PAPPA: variants seen among roughly 807,000 people sequenced by gnomAD.
PAPPA encodes the protein pappalysin-1.
Under a neutral mutation model 164.0 loss-of-function variants are expected in PAPPA, and 60 were observed. The ratio of observed to expected loss-of-function variants is 0.37; its 90% CI spans 0.30 to 0.45. The LOEUF (loss-of-function observed/expected upper bound fraction) is 0.45, where lower values mean the gene tolerates loss of function less well. PAPPA is among the 20% of genes least tolerant of loss of function. The pLI is 1.00. For synonymous variants in PAPPA, 875 were observed against 814.1 expected (o/e 1.07, Z -1.27); for missense variants, 1,782 against 2,087.3 (o/e 0.85, Z 2.85).
Position 116,368,220 on chromosome 9 carries a change from C to A in PAPPA, c.4605+466C>A, listed in dbSNP as rs138865321. Among the ~76,000 whole-genome samples the A allele has an allele frequency of 2.9e-3, 435 of 152,294 alleles. 2 individuals are homozygous for A. The highest frequency in any genetic ancestry group is 0.017 in the Admixed American group (262 of 15,296). ...TCTGGTATCCTTCTCCAAGCTTTAC[C>A]TGTTTTGGGGAAAGCAATTAATAGG... On this transcript the variant is annotated intron_variant, in intron 19 of 21. Coordinates refer to ENST00000328252, the MANE Select transcript of PAPPA (RefSeq NM_002581.5).
At chr9:116,324,574 A>G (rs765946507) in intron 10 of PAPPA, among the ~76,000 whole-genome samples, 8 of 152,154 alleles carry the variant, frequency 5.3e-5, no homozygotes, top group Non-Finnish European at 1.0e-4. Context: ...TACAACTATA[A>G]TCTAACTTGA....
At chr9:116,216,795 G>A (rs1164583892) in intron 4 of PAPPA, among the ~76,000 whole-genome samples, 1 of 152,188 alleles carries the variant, frequency 6.6e-6, no homozygotes, top group Non-Finnish European at 1.5e-5. Flanking sequence ...AGGCTGGAGT[G>A]CAGTGGTGTG....
intron 5 of PAPPA, among the ~76,000 whole-genome samples, chr9:116,221,745 A>G (rs1844449353): frequency 6.6e-6 from 1 of 152,236 alleles, no homozygotes; most frequent in Admixed American, 6.5e-5. Flanking sequence ...CACAAAAAGA[A>G]GCAAGAAATT....
At chr9:116,267,823 C>T (rs2118817889) in intron 8 of PAPPA, among the ~76,000 whole-genome samples, 1 of 140,500 alleles carries the variant, frequency 7.1e-6, no homozygotes, top group South Asian at 2.2e-4. Context: ...TGCAGTGAGC[C>T]GAGATTGCGC....
intron 2 of PAPPA, among the ~76,000 whole-genome samples, chr9:116,205,626 G>T (rs908893301): frequency 6.6e-6 from 1 of 152,124 alleles, no homozygotes; most frequent in African/African-American, 2.4e-5. Flanking sequence ...ACTTGGCCTT[G>T]TCTCCAGTTG....
In PAPPA at chr9:116,187,321, CA is replaced by C; in HGVS notation, c.584del (p.Gln195ArgfsTer5). 1 of 1,614,148 alleles carries C rather than the reference CA, an allele frequency of 6.2e-7. No homozygotes were observed. Among genetic ancestry groups the C allele is most frequent in the Non-Finnish European group, 8.5e-7 (1 of 1,180,036 alleles). On this transcript the variant is annotated frameshift_variant, in exon 2 of 22. Transcript: ENST00000328252. LOFTEE classifies it high-confidence loss of function. This position sits in a 1 kb window ranked among gnomAD's most constrained non-coding sequence, Gnocchi z 4.2. ...TGCCCACCGCAGCTACCTCCCAGGC[CA>C]GTGGGTATACCTAGCTGCCACCTAT... ...INAHRSYLPG[Q>X]WVYLAATYDG...
chr9:116,193,149 G>A (rs436770), intron 2 of PAPPA, among the ~76,000 whole-genome samples: 2 of 150,892 alleles, frequency 1.3e-5, no homozygotes, highest in African/African-American at 2.5e-5. Flanking sequence ...TTATTTTTTT[G>A]AATGTAACAA....
intron 20 of PAPPA, among the ~76,000 whole-genome samples, chr9:116,380,938 T>C (rs1221206752): frequency 2.0e-5 from 3 of 152,238 alleles, no homozygotes; most frequent in African/African-American, 7.2e-5. Flanking sequence ...GGATCACAGA[T>C]GGCATGCTTG....
intron 4 of PAPPA, among the ~76,000 whole-genome samples, chr9:116,213,595 A>T (rs569287093): frequency 6.6e-6 from 1 of 152,090 alleles, no homozygotes; most frequent in Non-Finnish European, 1.5e-5. Flanking sequence ...AAACAATAAC[A>T]TAAGTTTGGA....
At chr9:116,185,486 A>C (rs1199757373) in intron 1 of PAPPA, among the ~76,000 whole-genome samples, 1 of 152,226 alleles carries the variant, frequency 6.6e-6, no homozygotes, top group Non-Finnish European at 1.5e-5. Context: ...TTTGATGAGC[A>C]CTTATAGCAG....
chr9:116,367,045 C>G (rs1846510174), intron 18 of PAPPA, among the ~76,000 whole-genome samples: 1 of 152,184 alleles, frequency 6.6e-6, no homozygotes, highest in Non-Finnish European at 1.5e-5. Flanking sequence ...CGAGATGAAT[C>G]AAGCACATCT....
chr9:116,159,354 G>A (rs1251034955), intron 1 of PAPPA, among the ~76,000 whole-genome samples: 4 of 152,174 alleles, frequency 2.6e-5, no homozygotes, highest in South Asian at 4.1e-4. Context: ...TCCAGTTTGC[G>A]GCTTTGGCTT....
intron 4 of PAPPA, among the ~76,000 whole-genome samples, chr9:116,215,594 T>C (rs1441218633): frequency 1.3e-5 from 2 of 151,936 alleles, no homozygotes; most frequent in Non-Finnish European, 2.9e-5. Context: ...TCTATTGAAG[T>C]GTGGAGAGTG....
intron 21 of PAPPA, among the ~76,000 whole-genome samples, chr9:116,387,671 G>A (rs1355392731): frequency 2.0e-5 from 3 of 152,300 alleles, no homozygotes; most frequent in East Asian, 1.9e-4. Context: ...CGCCATGGAC[G>A]GCCCTAGGCG....
chr9:116,177,304 A>G (rs1843848739), intron 1 of PAPPA, among the ~76,000 whole-genome samples: 1 of 152,178 alleles, frequency 6.6e-6, no homozygotes, highest in Admixed American at 6.5e-5. Flanking sequence ...TGTGCTCTTC[A>G]CTACCAGACT....
At chr9:116,241,593 T>C (rs1844736345) in intron 7 of PAPPA, among the ~76,000 whole-genome samples, 1 of 152,340 alleles carries the variant, frequency 6.6e-6, no homozygotes, top group Admixed American at 6.5e-5. Flanking sequence ...ACCTGGTTCA[T>C]ATTCTTAAGT....
intron 9 of PAPPA, among the ~76,000 whole-genome samples, chr9:116,273,329 C>T (rs1845159032): frequency 6.6e-6 from 1 of 152,124 alleles, no homozygotes; most frequent in African/African-American, 2.4e-5. Context: ...GCCAGCCTGC[C>T]CCCTGTAATT....
At chr9:116,331,431 C>T (rs1387365593) in intron 11 of PAPPA, 74 bp downstream of exon 11, 114 of 879,092 alleles carry the variant, frequency 1.3e-4, no homozygotes, top group South Asian at 2.2e-4. Flanking sequence ...ATGACCCTTT[C>T]TGAAGATGGG....
chr9:116,364,352 T>C (rs1319237389), intron 18 of PAPPA, among the ~76,000 whole-genome samples: 1 of 152,184 alleles, frequency 6.6e-6, no homozygotes, highest in Non-Finnish European at 1.5e-5. Context: ...TGCATATCTA[T>C]ACCCACTGAC....
Sources: gnomAD v4.1 joint callset for allele counts (sites outside exome capture counted in the v4.1 genomes callset) on GRCh38, gnomAD v4.1.1 for gene constraint, Gnocchi (gnomAD v3.1) non-coding constraint, MANE v1.5 for transcripts, NCBI Gene and HGNC (gene_info 2026-07-23, HGNC 2026-07-21) for gene names.